Variants in HOMER2 observed in about 807,000 individuals in gnomAD.
The protein encoded by HOMER2 is homer scaffold protein 2, also known as homer protein homolog 2.
In HOMER2, 27 loss-of-function variants were observed where a neutral mutation model predicts 47.0. That is an observed-to-expected ratio of 0.57 (90% confidence interval 0.42 to 0.79). HOMER2 has a LOEUF of 0.79. HOMER2 is among the 30% of genes least tolerant of loss of function. The pLI is 0.00. For missense variants in HOMER2, 443 were observed against 435.0 expected, an observed-to-expected ratio of 1.02 and a Z score of -0.16; for synonymous variants, 161 against 163.8, an observed-to-expected ratio of 0.98 and a Z score of 0.13.
intron 1 of HOMER2, among the ~76,000 whole-genome samples, chr15:82,929,930 A>AT (rs1355914363): frequency 6.6e-6 from 1 of 151,580 alleles, no homozygotes; most frequent in African/African-American, 2.4e-5. Flanking sequence ...GGGCTTCTCC[A>AT]TGTTGGTCAG....
At chr15:82,904,202 A>G (rs776603579) in intron 1 of HOMER2, among the ~76,000 whole-genome samples, 3 of 152,234 alleles carry the variant, frequency 2.0e-5, no homozygotes, top group Non-Finnish European at 2.9e-5. Context: ...AAGTGAGGTC[A>G]CAGGGCAAAC....
chr15:82,948,031 G>T (rs1228927674), intron 1 of HOMER2, among the ~76,000 whole-genome samples: 1 of 152,100 alleles, frequency 6.6e-6, no homozygotes, highest in Non-Finnish European at 1.5e-5. Flanking sequence ...GATCATTTGA[G>T]GCCAAGGGTT....
At position 82,859,213 on chromosome 15, in the gene HOMER2, A is replaced by G. The variant is rs202080773; in HGVS notation, c.388-78T>C. ...TTCACACGTTATTGCTTGTCTGCAC[A>G]TCGGCAGCAAGTTAGGCATAATAAG... On this transcript the variant is annotated intron_variant, in intron 4 of 8. Transcript: ENST00000450735. 19 of 1,600,120 alleles carry G rather than the reference A, an allele frequency of 1.2e-5. No individual in the cohort carries two copies. In the Admixed American group the frequency reaches 2.0e-4, roughly 17 times the overall value.
At position 82,871,297 on chromosome 15, in the gene HOMER2, T is replaced by C. The variant is rs556747392; in HGVS notation, c.294+3976A>G. ...TCTGGGGGGTAGAGAGGGAAGTATG[T>C]ATAAAGTGTTCTTAGATGAAAATGT... is the stretch of plus-strand genomic sequence containing the variant. On this transcript the variant is annotated intron_variant, in intron 3 of 8. Transcript: ENST00000450735. 1.1e-4 allele frequency among the ~76,000 whole-genome samples: 16 copies of C among 152,302 alleles called. 1 individual carries two copies. In the East Asian group the frequency reaches 2.9e-3, roughly 28 times the overall value.
At chr15:82,925,795 T>C (rs2053840798) in intron 1 of HOMER2, 1 of 152,266 alleles carries the variant, frequency 6.6e-6, no homozygotes, top group South Asian at 2.1e-4. Flanking sequence ...AGGCTCCTCA[T>C]TGCCCCTTCT....
intron 3 of HOMER2, among the ~76,000 whole-genome samples, chr15:82,871,071 C>G (rs1181920731): frequency 6.6e-6 from 1 of 152,214 alleles, no homozygotes; most frequent in Admixed American, 6.5e-5. Flanking sequence ...TTTTCAATTT[C>G]CTTCAGTAGG....
Position 82,859,226 on chromosome 15 carries a change from T to G in HOMER2, c.388-91A>C, listed in dbSNP as rs758314677. Reference sequence around the variant, plus strand: ...GCTTGTCTGCACATCGGCAGCAAGTTAGGCATAATAAGAAACTTTACGAGT... The same window carrying G: ...GCTTGTCTGCACATCGGCAGCAAGTGAGGCATAATAAGAAACTTTACGAGT... On this transcript the variant is annotated intron_variant, in intron 4 of 8. Coordinates refer to ENST00000450735, the MANE Select transcript of HOMER2 (RefSeq NM_004839.4). 61 of 1,589,374 alleles carry G rather than the reference T, an allele frequency of 3.8e-5. No homozygotes were observed. In the Admixed American group the frequency reaches 6.1e-4, roughly 16 times the overall value.
In HOMER2 at chr15:82,852,270, C is replaced by A. The variant is rs376535550; in HGVS notation, c.652-18G>T. ...TCATCAATCTTCAATACACACCACACAGGAAAGCAGGGACGCCAGCTTAAC... is the reference window on the plus strand; with the variant it reads ...TCATCAATCTTCAATACACACCACAAAGGAAAGCAGGGACGCCAGCTTAAC... On this transcript the variant is annotated intron_variant, in intron 6 of 8. Transcript: ENST00000450735. 2.6e-6 allele frequency: 4 copies of A among 1,566,454 alleles called. No homozygotes were observed. The highest frequency in any genetic ancestry group is 2.6e-6 in the Non-Finnish European group (3 of 1,137,380).
chr15:82,935,726 A>AT (rs2054127468), intron 1 of HOMER2, among the ~76,000 whole-genome samples: 1 of 152,128 alleles, frequency 6.6e-6, no homozygotes, highest in Non-Finnish European at 1.5e-5. Context: ...CCCTTATGCC[A>AT]TATCTCATCC....
intron 3 of HOMER2, among the ~76,000 whole-genome samples, chr15:82,872,616 C>T (rs2052214261): frequency 6.6e-6 from 1 of 152,172 alleles, no homozygotes; most frequent in African/African-American, 2.4e-5. Context: ...AGCAGCCTTA[C>T]CCACCCGAAA....
At chr15:82,865,753 G>A (rs928325041) in intron 3 of HOMER2, among the ~76,000 whole-genome samples, 3 of 152,218 alleles carry the variant, frequency 2.0e-5, no homozygotes, top group South Asian at 2.1e-4. Context: ...GACAGCTCGG[G>A]CCATGGCTTC....
downstream of HOMER2, chr15:82,847,213 C>T (rs149782459): frequency 1.3e-5 from 2 of 152,346 alleles, no homozygotes; most frequent in Non-Finnish European, 2.9e-5. Flanking sequence ...GTCACACCAG[C>T]TCAAGGGAAC....
At chr15:82,912,692 T>A (rs1355005982) in intron 1 of HOMER2, among the ~76,000 whole-genome samples, 1 of 152,202 alleles carries the variant, frequency 6.6e-6, no homozygotes, top group Admixed American at 6.5e-5. Flanking sequence ...GCTGCTCCAT[T>A]TATGTTCCCA....
intron 1 of HOMER2, among the ~76,000 whole-genome samples, chr15:82,928,792 T>C (rs571332025): frequency 1.3e-5 from 2 of 151,776 alleles, no homozygotes; most frequent in Non-Finnish European, 2.9e-5. Context: ...CCAACTTCTA[T>C]GGAGATAAAG....
exon 2 of HOMER2, chr15:82,842,434 A>G (rs1326696354): frequency 6.7e-6 from 1 of 148,840 alleles, no homozygotes; most frequent in Non-Finnish European, 1.5e-5. Flanking sequence ...AGCTGAGATT[A>G]CAGGTTCCTA....
At chr15:82,907,430 GGAAA>G (rs202205542) in intron 1 of HOMER2, among the ~76,000 whole-genome samples, 3,761 of 133,562 alleles carry the variant, frequency 0.028, 165 homozygotes, top group African/African-American at 0.1. Flanking sequence ...AGAAAGAGAA[GGAAA>G]GAAAGAAAGA....
At chr15:82,854,573 G>T (rs2051502597) in intron 6 of HOMER2, 71 bp downstream of exon 6, 1 of 1,490,910 alleles carries the variant, frequency 6.7e-7, no homozygotes, top group Non-Finnish European at 9.1e-7. Context: ...GAGAAAAAGG[G>T]TTGTGGGTGC....
chr15:82,860,271 T>G (rs73446928), intron 4 of HOMER2, among the ~76,000 whole-genome samples: 1,537 of 152,184 alleles, frequency 0.01, 30 homozygotes, highest in African/African-American at 0.036. Flanking sequence ...TTAGTATCTT[T>G]CCTATATTGA....
At chr15:82,960,545 A>C (rs911744372) in intron 1 of HOMER2, among the ~76,000 whole-genome samples, 2 of 152,232 alleles carry the variant, frequency 1.3e-5, no homozygotes, top group African/African-American at 4.8e-5. Flanking sequence ...ACTGAATTAA[A>C]TATCAACTTT....
Sources: allele counts gnomAD v4.1 joint callset (sites outside exome capture counted in the v4.1 genomes callset), GRCh38; gene constraint gnomAD v4.1.1; transcripts MANE v1.5; gene names NCBI Gene and HGNC (gene_info 2026-07-23, HGNC 2026-07-21).